The following ALK variants were observed in gnomAD, a reference collection of about 807,000 sequenced individuals.
ALK encodes ALK tyrosine kinase receptor.
ALK carries 74 observed loss-of-function variants against 163.1 expected under a neutral mutation model. That is an observed-to-expected ratio of 0.45 (90% CI 0.38 to 0.55). The LOEUF is 0.55. Ranked by LOEUF, ALK falls within the 20% of genes least tolerant of loss-of-function variation. ALK has a pLI of 0.00. For missense variants in ALK, 2,063 were observed against 2,105.3 expected (o/e 0.98, Z 0.39); for synonymous variants, 960 against 843.2 (o/e 1.14, Z -2.40).
At chr2:29,505,142 T>C (rs868853199) in intron 4 of ALK, among the ~76,000 whole-genome samples, 8 of 152,150 alleles carry the variant, frequency 5.3e-5, no homozygotes, top group African/African-American at 1.2e-4. Context: ...TGAGAGTAAA[T>C]TGATAGCCTT....
intron 4 of ALK, among the ~76,000 whole-genome samples, chr2:29,494,301 C>T (rs1671972986): frequency 6.6e-6 from 1 of 152,160 alleles, no homozygotes; most frequent in Admixed American, 6.5e-5. Flanking sequence ...CTGGTCTGCT[C>T]TGGGTCTCTG....
chr2:29,556,387 G>C (rs562214538), intron 3 of ALK, among the ~76,000 whole-genome samples: 1 of 152,310 alleles, frequency 6.6e-6, no homozygotes, highest in South Asian at 2.1e-4. Context: ...AAGGGTTCAA[G>C]AACTGTTCAC....
intron 9 of ALK, among the ~76,000 whole-genome samples, chr2:29,278,796 G>T (rs948786854): frequency 3.3e-5 from 5 of 152,184 alleles, no homozygotes; most frequent in African/African-American, 1.2e-4. Flanking sequence ...TGCCTGGCTC[G>T]CCTGCACATC....
intron 1 of ALK, among the ~76,000 whole-genome samples, chr2:29,889,378 A>G (rs935213342): frequency 3.9e-5 from 6 of 152,160 alleles, no homozygotes; most frequent in African/African-American, 1.4e-4. Flanking sequence ...GATACCATTC[A>G]AAGCAGGATT....
intron 5 of ALK, among the ~76,000 whole-genome samples, chr2:29,329,727 C>A (rs1428158728): frequency 6.6e-6 from 1 of 152,214 alleles, no homozygotes; most frequent in Non-Finnish European, 1.5e-5. Flanking sequence ...ATCTAAAAGT[C>A]CATGATTTCC....
intron 3 of ALK, among the ~76,000 whole-genome samples, chr2:29,665,596 T>C (rs1337891753): frequency 6.6e-6 from 1 of 152,042 alleles, no homozygotes; most frequent in Non-Finnish European, 1.5e-5. Context: ...TCCCAGGTGT[T>C]GAGGTTGAAA....
chr2:29,834,847 C>G (rs1435970456), intron 1 of ALK, among the ~76,000 whole-genome samples: 1 of 152,214 alleles, frequency 6.6e-6, no homozygotes. Flanking sequence ...TCAGCACTAA[C>G]AGTACCATCA....
intron 1 of ALK, among the ~76,000 whole-genome samples, chr2:29,907,419 T>C (rs1667581214): frequency 6.6e-6 from 1 of 152,214 alleles, no homozygotes; most frequent in Non-Finnish European, 1.5e-5. Context: ...TGCTTCTATT[T>C]CTTCAGCACT....
chr2:29,783,475 A>T (rs1436981650), intron 1 of ALK, among the ~76,000 whole-genome samples: 1 of 152,224 alleles, frequency 6.6e-6, no homozygotes, highest in East Asian at 1.9e-4. Context: ...CCCATTTATT[A>T]TTGAGAAATC....
At chr2:29,509,857 G>T (rs1025052622) in intron 4 of ALK, among the ~76,000 whole-genome samples, 6 of 152,152 alleles carry the variant, frequency 3.9e-5, no homozygotes. Context: ...GCTAGAGAGG[G>T]GGCTTTATTT....
intron 11 of ALK, among the ~76,000 whole-genome samples, chr2:29,264,055 C>T (rs920798015): frequency 3.3e-5 from 5 of 152,316 alleles, no homozygotes; most frequent in East Asian, 1.9e-4. Flanking sequence ...CCAACTTTTT[C>T]GTGCTTCTTC....
intron 9 of ALK, among the ~76,000 whole-genome samples, chr2:29,276,081 C>T (rs1164063825): frequency 6.6e-6 from 1 of 152,208 alleles, no homozygotes; most frequent in Non-Finnish European, 1.5e-5. Flanking sequence ...TCCTTCCCTG[C>T]TGCCCCGACC....
intron 3 of ALK, among the ~76,000 whole-genome samples, chr2:29,603,059 C>G (rs190248877): frequency 6.6e-6 from 1 of 152,222 alleles, no homozygotes; most frequent in African/African-American, 2.4e-5. Context: ...GGCAATTTGT[C>G]GACAGAGTTA....
intron 4 of ALK, among the ~76,000 whole-genome samples, chr2:29,512,701 T>C (rs1482160048): frequency 2.0e-5 from 3 of 149,904 alleles, no homozygotes; most frequent in Admixed American, 1.3e-4. Context: ...AAAGAGGAAG[T>C]CAAATTGTCC....
At chr2:29,329,523 T>C (rs1235716317) in intron 5 of ALK, among the ~76,000 whole-genome samples, 4 of 152,142 alleles carry the variant, frequency 2.6e-5, no homozygotes, top group Admixed American at 2.6e-4. Context: ...GTTTTCTAGC[T>C]CTATCCTGGT....
At position 29,198,446 on chromosome 2, in the gene ALK, C is replaced by G. The variant is rs951451895; in HGVS notation, c.3939-770G>C. Among the ~76,000 whole-genome samples, 4 of 152,192 alleles carry G rather than the reference C, an allele frequency of 2.6e-5. No homozygotes were observed. In the East Asian group the frequency reaches 7.7e-4, roughly 29 times the overall value. On this transcript the variant is annotated intron_variant, in intron 26 of 28. Transcript: ENST00000389048. ...CATTCTCCCACACCCCTCCACTTCC[C>G]ATCCAACAGTCAGCAGTCCTATAAC...
At chr2:29,862,181 A>C (rs1666312625) in intron 1 of ALK, among the ~76,000 whole-genome samples, 1 of 152,194 alleles carries the variant, frequency 6.6e-6, no homozygotes, top group Admixed American at 6.5e-5. Context: ...TCAATGGTGA[A>C]AAGTTGAACG....
At chr2:29,415,385 C>A (rs1256216369) in intron 4 of ALK, among the ~76,000 whole-genome samples, 1 of 151,898 alleles carries the variant, frequency 6.6e-6, no homozygotes, top group Non-Finnish European at 1.5e-5. Context: ...TTCTACTGTA[C>A]CCCCAAAGCA....
chr2:29,447,244 G>C (rs74466863), intron 4 of ALK, among the ~76,000 whole-genome samples: 3,182 of 152,170 alleles, frequency 0.021, 101 homozygotes, highest in African/African-American at 0.071. Flanking sequence ...TCCCCTACCC[G>C]TCTCCATTAT....
Sources: allele counts gnomAD v4.1 joint callset (sites outside exome capture counted in the v4.1 genomes callset), GRCh38; gene constraint gnomAD v4.1.1; transcripts MANE v1.5; gene names NCBI Gene and HGNC (gene_info 2026-07-23, HGNC 2026-07-21).